The following CLEC2A variants were observed in gnomAD, a reference collection of about 807,000 sequenced individuals.
CLEC2A encodes keratinocyte-associated C-type lectin.
Under a neutral mutation model 18.6 loss-of-function variants are expected in CLEC2A, and 19 were observed. The observed-to-expected ratio is 1.02, with a 90% CI of 0.71 to 1.50. CLEC2A has a LOEUF of 1.50. Among genes scored for constraint, CLEC2A ranks in the 40% most tolerant of loss-of-function variants. CLEC2A has a pLI of 0.00. For synonymous variants in CLEC2A, 74 were observed against 64.0 expected (o/e 1.16, Z -0.75); for missense variants, 190 against 207.9 (o/e 0.91, Z 0.53).
chr12:9,893,112 C>G, the CLEC2A span: 1 of 1,535,478 alleles, frequency 6.5e-7, no homozygotes, highest in African/African-American at 1.4e-5. Context: ...AGAGAGTCAA[C>G]GTGATTGTAC....
chr12:9,928,932 G>A (rs2137057913), intron 1 of CLEC2A, among the ~76,000 whole-genome samples: 1 of 152,200 alleles, frequency 6.6e-6, no homozygotes, highest in Middle Eastern at 3.4e-3. Flanking sequence ...AAATTCTTTA[G>A]CAGTTTTTAT....
the CLEC2A span, among the ~76,000 whole-genome samples, chr12:9,879,977 C>T: frequency 1.3e-5 from 2 of 152,138 alleles, no homozygotes; most frequent in African/African-American, 4.8e-5. Context: ...TACCTATGAC[C>T]CGGGTTGGGG....
chr12:9,881,747 T>C, the CLEC2A span: 1 of 981,438 alleles, frequency 1.0e-6, no homozygotes. Context: ...ATTTTTAACA[T>C]CTTAACATTG....
intron 1 of CLEC2A, among the ~76,000 whole-genome samples, chr12:9,931,565 T>A (rs1863376027): frequency 6.6e-6 from 1 of 152,128 alleles, no homozygotes; most frequent in Admixed American, 6.5e-5. Flanking sequence ...CCTTTAAGAG[T>A]ATCAGGCTTA....
At chr12:9,895,703 G>C, downstream of CLEC2A, 2 of 1,532,890 alleles carry the variant, frequency 1.3e-6, no homozygotes, top group Non-Finnish European at 1.7e-6. Context: ...TCAGTGATTG[G>C]ACCAACTGAT....
downstream of CLEC2A, among the ~76,000 whole-genome samples, chr12:9,909,959 G>A (rs1565529207): frequency 6.6e-6 from 1 of 152,122 alleles, no homozygotes; most frequent in East Asian, 1.9e-4. Flanking sequence ...TTCTCTTTCA[G>A]AGCAGTAAGA....
chr12:9,928,088 G>A lies in CLEC2A; in HGVS notation c.56-1745C>T, dbSNP rs147047750. ...TTCTAGAAAACATAAAATAGTTTGTGACCATGAGAATTAGTAAAGCTGTCT... is the reference window on the plus strand; with the variant it reads ...TTCTAGAAAACATAAAATAGTTTGTAACCATGAGAATTAGTAAAGCTGTCT... On this transcript the variant is annotated intron_variant, in intron 1 of 4. Coordinates refer to ENST00000455827, the MANE Select transcript of CLEC2A (RefSeq NM_001130711.2). Among the ~76,000 whole-genome samples the A allele has an allele frequency of 1.9e-3, 291 of 152,288 alleles. 3 individuals carry two copies. The highest frequency in any genetic ancestry group is 6.7e-3 in the African/African-American group (277 of 41,568).
At chr12:9,930,465 G>A (rs537655814) in intron 1 of CLEC2A, among the ~76,000 whole-genome samples, 4 of 152,048 alleles carry the variant, frequency 2.6e-5, no homozygotes, top group African/African-American at 9.6e-5. Context: ...ATCGTCTTCT[G>A]CAAACTTTTA....
rs759815678 is a variant in CLEC2A at position 9,922,130 on chromosome 12, G to A, written c.242C>T (p.Ala81Val). The A allele has an allele frequency of 1.3e-6, 2 of 1,550,378 alleles. No individual in the cohort carries two copies. The highest frequency in any genetic ancestry group is 1.4e-5 in the African/African-American group (1 of 72,928). The change falls in exon 3 of 5, where the codon GCC becomes GTC. Residue 81 changes from alanine to valine, a missense_variant. Physicochemically the swap from Ala to Val is moderately conservative, Grantham distance 64. Coordinates refer to ENST00000455827, the MANE Select transcript of CLEC2A (RefSeq NM_001130711.2). ...CTGCAAACTACAAAATATTTTACTG[G>A]CTGTCCAATTTCTGGTATCATCAGA... ...YFSDDTRNWT[A>V]SKIFCSLQKA... is the part of the protein sequence containing the mutation.
chr12:9,916,807 T>C lies in CLEC2A; in HGVS notation c.307-4A>G. ...CTGCGTACCTCTTCAAAAATTCCTT[T>C]CACAAAACAAAGGGAATCAGCGATT... On this transcript the variant is annotated splice_polypyrimidine_tract_variant and splice_region_variant and intron_variant, in intron 3 of 4. Coordinates refer to ENST00000455827, the MANE Select transcript of CLEC2A (RefSeq NM_001130711.2). 1 of 1,537,844 alleles carries C rather than the reference T, an allele frequency of 6.5e-7. No individual in the cohort carries two copies. Among genetic ancestry groups the C allele is most frequent in the Non-Finnish European group, 8.8e-7 (1 of 1,134,310 alleles).
chr12:9,893,489 T>G, the CLEC2A span: 3 of 1,525,288 alleles, frequency 2.0e-6, no homozygotes, highest in Non-Finnish European at 2.6e-6. Context: ...ATATGTTACA[T>G]TCCAAGGGAA....
the CLEC2A span, among the ~76,000 whole-genome samples, chr12:9,883,446 T>C: frequency 6.6e-6 from 1 of 152,340 alleles, no homozygotes; most frequent in African/African-American, 2.4e-5. Flanking sequence ...TGGCTTGATA[T>C]AGTATGTAAA....
chr12:9,894,568 A>T (rs545921285), downstream of CLEC2A, among the ~76,000 whole-genome samples: 27 of 152,306 alleles, frequency 1.8e-4, no homozygotes, highest in South Asian at 8.3e-4. Flanking sequence ...TGTTGCATGT[A>T]AGAGTGCTTT....
At chr12:9,926,182 T>C (rs542830085) in intron 2 of CLEC2A, 78 bp downstream of exon 2, 5 of 843,708 alleles carry the variant, frequency 5.9e-6, no homozygotes, top group Admixed American at 2.5e-5. Context: ...ATGTGGGAGA[T>C]TTGGAGTTAA....
the CLEC2A span, among the ~76,000 whole-genome samples, chr12:9,891,700 T>C: frequency 6.6e-6 from 1 of 152,188 alleles, no homozygotes; most frequent in Non-Finnish European, 1.5e-5. Flanking sequence ...TTTTCAGCAT[T>C]GGCCACTCTT....
At chr12:9,891,103 T>A in the CLEC2A span, among the ~76,000 whole-genome samples, 1 of 152,058 alleles carries the variant, frequency 6.6e-6, no homozygotes, top group Non-Finnish European at 1.5e-5. Flanking sequence ...TGGGCACAAT[T>A]TCTCATATTC....
the CLEC2A span, among the ~76,000 whole-genome samples, chr12:9,892,243 AG>A: frequency 1.3e-5 from 2 of 152,336 alleles, no homozygotes; most frequent in South Asian, 4.1e-4. Flanking sequence ...AAGGAAGAGG[AG>A]GCTATTCAAG....
Position 9,916,564 on chromosome 12 carries a change from C to A in CLEC2A, c.410+136G>T, listed in dbSNP as rs1017061407. ...TGCTTCAATGTGAAAGGGCATATGT[C>A]ATCGATTGGAGACTGAAAAGTTAAT... On this transcript the variant is annotated intron_variant, in intron 4 of 4. Coordinates refer to ENST00000455827, the MANE Select transcript of CLEC2A (RefSeq NM_001130711.2). 10 of 658,164 alleles carry A rather than the reference C, an allele frequency of 1.5e-5. No individual in the cohort carries two copies. The African/African-American group carries it at 1.8e-4, about 12-fold the overall frequency. 40.8% of individuals were successfully genotyped at this position (658,164 alleles called of 1,614,324 possible).
In CLEC2A at chr12:9,932,322, T is replaced by C; in HGVS notation, c.8A>G (p.Asn3Ser). 1 of 1,552,048 alleles carries C rather than the reference T, an allele frequency of 6.4e-7. No homozygotes were observed. The highest frequency in any genetic ancestry group is 2.4e-5 in the East Asian group (1 of 40,910). ...AGCTCTGCCATCCCGCAGCTCTGGA[T>C]TAATCATGGCAAGGCGCTAACCGAT... MI[N>S]PELRDGRADG... The change falls in exon 1 of 5, where the codon AAT becomes AGT. Residue 3 changes from asparagine (N) to serine (S), a missense_variant. Transcript: ENST00000455827.
Sources: allele counts gnomAD v4.1 joint callset (sites outside exome capture counted in the v4.1 genomes callset), GRCh38; gene constraint gnomAD v4.1.1; transcripts MANE v1.5; gene names NCBI Gene and HGNC (gene_info 2026-07-23, HGNC 2026-07-21).